The following GGA3 variants were observed in gnomAD, a reference collection of about 807,000 sequenced individuals.
GGA3 encodes the protein ADP-ribosylation factor-binding protein GGA3.
GGA3 carries 57 observed loss-of-function variants against 77.5 expected under a neutral mutation model. The ratio of observed to expected loss-of-function variants is 0.74; its 90% confidence interval spans 0.59 to 0.92. GGA3 has a LOEUF of 0.92. Among genes scored for constraint, GGA3 ranks in the 40% least tolerant of loss-of-function variants. The pLI, the probability that GGA3 is intolerant of heterozygous loss-of-function variation, is 0.00. For synonymous variants in GGA3, 416 were observed against 383.7 expected, an observed-to-expected ratio of 1.08 and a Z score of -0.98; for missense variants, 970 against 914.9, an observed-to-expected ratio of 1.06 and a Z score of -0.78.
In GGA3 at chr17:75,239,392, A is replaced by T; in HGVS notation, c.1763T>A (p.Leu588Gln). The T allele has an allele frequency of 6.4e-7, 1 of 1,554,036 alleles. No homozygotes were observed. Among genetic ancestry groups the T allele is most frequent in the Non-Finnish European group, 8.6e-7 (1 of 1,156,734 alleles). The stretch of plus-strand genomic sequence containing the variant: ...ACACCTACTAGGCTTGATCGATTCC[A>T]GGGGCACGTGGATGCTGGCCAGGGA... ...ELSLASIHVP[L>Q]ESIKPSSALP... The change falls in exon 14 of 17, where the codon CTG becomes CAG. Residue 588 changes from leucine to glutamine, a missense_variant. Transcript: ENST00000537686.
At position 75,255,597 on chromosome 17, in the gene GGA3, C is replaced by T. The variant is rs377127062; in HGVS notation, c.40+5951G>A. 2.6e-5 allele frequency among the ~76,000 whole-genome samples: 4 copies of T among 152,364 alleles called. No individual in the cohort carries two copies. The East Asian group carries it at 7.7e-4, about 29-fold the overall frequency. On this transcript the variant is annotated intron_variant, in intron 1 of 16. Coordinates refer to ENST00000537686, the MANE Select transcript of GGA3 (RefSeq NM_138619.4). Reference sequence around the variant, plus strand: ...ACAGTATGCTTTGAAAGGAGTAAAGCCTGTTATCACATGCCTGCTACAGCA... The same window carrying T: ...ACAGTATGCTTTGAAAGGAGTAAAGTCTGTTATCACATGCCTGCTACAGCA...
chr17:75,251,863 C>G (rs1002400395), intron 1 of GGA3, among the ~76,000 whole-genome samples: 1 of 151,190 alleles, frequency 6.6e-6, no homozygotes, highest in Non-Finnish European at 1.5e-5. Flanking sequence ...GCCTCAACTT[C>G]CCAGGCTCAG....
At chr17:75,262,065 G>A, upstream of GGA3, 1 of 1,496,656 alleles carries the variant, frequency 6.7e-7, no homozygotes, top group South Asian at 1.1e-5. Context: ...CCCCTAGAGA[G>A]AGCATTGCCC....
chr17:75,244,866 A>T, intron 3 of GGA3, 149 bp from the exon 4 acceptor site: 1 of 643,016 alleles, frequency 1.6e-6, no homozygotes, highest in Non-Finnish European at 2.8e-6. Context: ...CTGCCCGGGG[A>T]CAGTGTAATT....
At chr17:75,238,836 T>A in intron 15 of GGA3, 74 bp from the exon 16 acceptor site, 1 of 1,570,468 alleles carries the variant, frequency 6.4e-7, no homozygotes, top group Non-Finnish European at 8.7e-7. Flanking sequence ...ACACACACAC[T>A]GCCACCTGCT....
At chr17:75,252,651 G>A (rs746210743) in intron 1 of GGA3, among the ~76,000 whole-genome samples, 22 of 152,120 alleles carry the variant, frequency 1.4e-4, no homozygotes, top group Admixed American at 3.9e-4. Context: ...GCCAAGCCAT[G>A]GCATCCCCTA....
chr17:75,239,423 C>T lies in GGA3; in HGVS notation c.1732G>A (p.Glu578Lys). The change falls in exon 14 of 17, where the codon GAG (glutamate) becomes AAG (lysine). Residue 578 changes from glutamate to lysine, a missense_variant. By Grantham distance (56) the Glu-to-Lys change is moderately conservative. Coordinates refer to ENST00000537686, the MANE Select transcript of GGA3 (RefSeq NM_138619.4). Reference sequence around the variant, plus strand: ...ACGTGGATGCTGGCCAGGGAGAGCTCAGGCCCCTTCGGGGGGCTGCCCTGG... The same window carrying T: ...ACGTGGATGCTGGCCAGGGAGAGCTTAGGCCCCTTCGGGGGGCTGCCCTGG... ...QSQGSPPKGP[E>K]LSLASIHVPL... is the part of the protein sequence containing the mutation. 1 of 1,575,530 alleles carries T rather than the reference C, an allele frequency of 6.3e-7. No individual in the cohort carries two copies. The highest frequency in any genetic ancestry group is 8.6e-7 in the Non-Finnish European group (1 of 1,168,166).
intron 10 of GGA3, 131 bp from the exon 11 acceptor site, chr17:75,241,188 G>T: frequency 1.7e-6 from 2 of 1,144,028 alleles, no homozygotes; most frequent in Non-Finnish European, 2.6e-6. Context: ...CTCTGCCAGG[G>T]GATGCTGCAA....
At chr17:75,262,058 C>G, upstream of GGA3, 3 of 1,535,754 alleles carry the variant, frequency 2.0e-6, no homozygotes, top group Non-Finnish European at 2.7e-6. Flanking sequence ...GCGTGGGCCC[C>G]TAGAGAGAGC....
rs1035625847 is a variant in GGA3 at position 75,249,279 on chromosome 17, G to A, written c.41-2483C>T. ...CAGGCCTCCTGACCTCAGGTAAGGA[G>A]GTCAAGACCAGCCCTGGCCTCCCAA... On this transcript the variant is annotated intron_variant, in intron 1 of 16. Transcript: ENST00000537686. 2.0e-5 allele frequency among the ~76,000 whole-genome samples: 3 copies of A among 152,284 alleles called. No homozygotes were observed. The East Asian group carries it at 5.8e-4, about 29-fold the overall frequency.
rs368934392 is a variant in GGA3, at chr17:75,250,952, G to C, written c.41-4156C>G. On this transcript the variant is annotated intron_variant, in intron 1 of 16. Transcript: ENST00000537686. ...CAAAATTAGCTGGGCATGGTTCCGC[G>C]CACCTGTGATCCCAGCTACTCAGGA... Among the ~76,000 whole-genome samples the C allele has an allele frequency of 6.1e-4, 91 of 149,670 alleles. 2 individuals are homozygous for C. Among genetic ancestry groups the C allele is most frequent in the African/African-American group, 2.2e-3 (89 of 40,500 alleles).
rs751058245 is a variant in GGA3 at position 75,239,008 on chromosome 17, G to T, written c.1856C>A (p.Pro619Gln). Reference sequence around the variant, plus strand: ...CACCACCAGCACGTCAGGTCGTCCTGGGGGACACTCCTTGGCAAAGTGGAA... The same window carrying T: ...CACCACCAGCACGTCAGGTCGTCCTTGGGGACACTCCTTGGCAAAGTGGAA... ...ILFHFAKECP[P>Q]GRPDVLVVVV... Residue 619 changes from proline to glutamine, a missense_variant, in exon 15 of 17, where the codon CCA becomes CAA. Physicochemically the swap from Pro to Gln is moderately conservative, Grantham distance 76 (BLOSUM62 -1). Transcript: ENST00000537686. The T allele has an allele frequency of 6.2e-7, 1 of 1,614,068 alleles. No homozygotes were observed. The highest frequency in any genetic ancestry group is 1.7e-5 in the Admixed American group (1 of 60,026).
chr17:75,248,913 G>A (rs2076863498), intron 1 of GGA3: 9 of 985,084 alleles, frequency 9.1e-6, no homozygotes, highest in Middle Eastern at 5.2e-4. Flanking sequence ...TCTGAGTAGC[G>A]ACAGCTGCCA....
At chr17:75,246,825 T>C (rs2076775052) in intron 1 of GGA3, 29 bp from the exon 2 acceptor site, 1 of 1,567,406 alleles carries the variant, frequency 6.4e-7, no homozygotes, top group Non-Finnish European at 8.7e-7. Flanking sequence ...AGAGGACAAG[T>C]GTTAGGAAGA....
intron 1 of GGA3, among the ~76,000 whole-genome samples, chr17:75,250,046 C>G (rs961443355): frequency 6.6e-6 from 1 of 152,220 alleles, no homozygotes; most frequent in Non-Finnish European, 1.5e-5. Flanking sequence ...TCTCCTCCAG[C>G]TCTCTGGGCA....
At position 75,244,685 on chromosome 17, in the gene GGA3, C is replaced by T. The variant is rs757716563; in HGVS notation, c.234G>A (p.Arg78=). Residue 78 remains arginine, a synonymous_variant, in exon 4 of 17, where the codon AGG becomes AGA. Transcript: ENST00000537686. The stretch of plus-strand genomic sequence containing the variant: ...ACTTCCCCACTTCGTTATGAAATCT[C>T]CTCCCACAGTTCTTCATGCATGCCT... ...VLEACMKNCG[R]RFHNEVGKFR... 5.4e-5 allele frequency: 87 copies of T among 1,613,842 alleles called. No individual in the cohort carries two copies. The Admixed American group carries it at 1.4e-3, about 26-fold the overall frequency.
intron 1 of GGA3, chr17:75,249,105 G>A: frequency 1.8e-6 from 1 of 568,932 alleles, no homozygotes; most frequent in Non-Finnish European, 2.2e-6. Context: ...GAGTGCAGTG[G>A]CGCGATCTAG....
Position 75,261,561 on chromosome 17 carries a change from C to A in GGA3, c.27G>T (p.Leu9=). 6.4e-7 allele frequency: 1 copy of A among 1,554,670 alleles called. No individual in the cohort carries two copies. The highest frequency in any genetic ancestry group is 2.0e-5 in the Admixed American group (1 of 50,024). The change falls in exon 1 of 17, where the codon CTG becomes CTT. Residue 9 remains leucine, a synonymous_variant. Transcript: ENST00000537686. The stretch of plus-strand genomic sequence containing the variant: ...GCGGCTACTCACTGAGCCAGGACTC[C>A]AGGCTTTCCCCTTCCGCCTCCGCCA... MAEAEGES[L]ESWLNKATNP...
chr17:75,254,882 A>C (rs2077089414), intron 1 of GGA3, among the ~76,000 whole-genome samples: 1 of 152,152 alleles, frequency 6.6e-6, no homozygotes, highest in East Asian at 1.9e-4. Flanking sequence ...GAGCCAAGGA[A>C]TGCCCGCAGC....
Sources: gnomAD v4.1 joint callset for allele counts (sites outside exome capture counted in the v4.1 genomes callset) on GRCh38, gnomAD v4.1.1 for gene constraint, MANE v1.5 for transcripts, NCBI Gene and HGNC (gene_info 2026-07-23, HGNC 2026-07-21) for gene names.